Variants in MIPOL1 observed in about 807,000 individuals in gnomAD.
MIPOL1 encodes the protein mirror-image polydactyly gene 1 protein.
A neutral mutation model predicts 60.9 loss-of-function variants in MIPOL1; 57 were observed. The ratio of observed to expected loss-of-function variants is 0.94; its 90% CI spans 0.76 to 1.17. MIPOL1 has a LOEUF of 1.17. Ranked by LOEUF, MIPOL1 falls within the 50% of genes most tolerant of loss-of-function variation. MIPOL1 has a pLI of 0.00. For synonymous variants in MIPOL1, 179 were observed against 168.8 expected (o/e 1.06, Z -0.47); for missense variants, 551 against 511.6 (o/e 1.08, Z -0.74).
chr14:37,521,578 C>CT (rs1566766314), intron 12 of MIPOL1, among the ~76,000 whole-genome samples: 1 of 151,976 alleles, frequency 6.6e-6, no homozygotes, highest in East Asian at 1.9e-4. Flanking sequence ...GGAAATTAAA[C>CT]AAGTTACAAC....
At chr14:37,397,131 G>A (rs2093386514) in intron 10 of MIPOL1, 1 of 152,172 alleles carries the variant, frequency 6.6e-6, no homozygotes. Flanking sequence ...GTCTAGGGCT[G>A]AAGACTGTTG....
At chr14:37,229,002 A>C (rs952177789) in intron 1 of MIPOL1, among the ~76,000 whole-genome samples, 1 of 151,988 alleles carries the variant, frequency 6.6e-6, no homozygotes. Context: ...TGAAAATGGT[A>C]AAGTTTCTAA....
At chr14:37,495,846 T>A (rs922648064) in intron 11 of MIPOL1, among the ~76,000 whole-genome samples, 2 of 151,572 alleles carry the variant, frequency 1.3e-5, no homozygotes, top group Non-Finnish European at 2.9e-5. Context: ...GGTATCTCAT[T>A]GTGGTTTTGA....
At chr14:37,480,747 G>A (rs1237731878) in intron 11 of MIPOL1, among the ~76,000 whole-genome samples, 4 of 151,962 alleles carry the variant, frequency 2.6e-5, no homozygotes, top group African/African-American at 9.7e-5. Context: ...CATTCAAATA[G>A]GAAAGAAAGA....
chr14:37,272,384 T>A (rs1211396661), intron 6 of MIPOL1, among the ~76,000 whole-genome samples: 1 of 151,682 alleles, frequency 6.6e-6, no homozygotes, highest in Admixed American at 6.6e-5. Context: ...GAAAGAATTA[T>A]TGTTATTATG....
chr14:37,447,247 A>G (rs1226953117), intron 11 of MIPOL1, among the ~76,000 whole-genome samples: 1 of 152,028 alleles, frequency 6.6e-6, no homozygotes, highest in African/African-American at 2.4e-5. Context: ...CATTAACCCT[A>G]ACCTCACATC....
At chr14:37,526,509 A>G (rs1239852818) in intron 12 of MIPOL1, among the ~76,000 whole-genome samples, 2 of 150,022 alleles carry the variant, frequency 1.3e-5, no homozygotes, top group African/African-American at 4.9e-5. Context: ...AGCTGGGACT[A>G]CAGGCGCCCG....
chr14:37,329,734 A>G (rs1484678516), intron 9 of MIPOL1, among the ~76,000 whole-genome samples: 1 of 152,188 alleles, frequency 6.6e-6, no homozygotes, highest in African/African-American at 2.4e-5. Flanking sequence ...GCTATCATCC[A>G]GTAAACACTA....
chr14:37,337,874 T>G (rs1298459650), intron 9 of MIPOL1, among the ~76,000 whole-genome samples: 1 of 152,004 alleles, frequency 6.6e-6, no homozygotes, highest in Non-Finnish European at 1.5e-5. Context: ...AGCACAGAAG[T>G]TTTTTATTTT....
In MIPOL1 at chr14:37,548,067, C is replaced by T. The variant is rs961312320; in HGVS notation, c.*1096C>T. On this transcript the variant is annotated 3_prime_UTR_variant, in exon 13 of 13. Transcript: ENST00000684589. ...CTTTCATATTTTTAGATTAGACAGACGAAAGACCAAGAGGAAATGACTGTG... is the reference window on the plus strand; with the variant it reads ...CTTTCATATTTTTAGATTAGACAGATGAAAGACCAAGAGGAAATGACTGTG... 4 of 151,810 alleles carry T rather than the reference C, an allele frequency of 2.6e-5. No homozygotes were observed. Among genetic ancestry groups the T allele is most frequent in the South Asian group, 2.1e-4 (1 of 4,802 alleles). The allele number at this position is 151,810 out of a possible 1,614,324, so 9.4% of individuals were successfully genotyped here. A position where few individuals can be genotyped will look rare whatever the true frequency, so the allele number is the denominator to read the frequency against.
intron 7 of MIPOL1, among the ~76,000 whole-genome samples, chr14:37,306,649 G>A (rs941404183): frequency 4.0e-5 from 6 of 151,672 alleles, no homozygotes; most frequent in African/African-American, 1.4e-4. Flanking sequence ...ATTACTGCTG[G>A]TTAAATGCCA....
At chr14:37,488,882 A>G (rs1478917599) in intron 11 of MIPOL1, among the ~76,000 whole-genome samples, 1 of 151,666 alleles carries the variant, frequency 6.6e-6, no homozygotes, top group African/African-American at 2.4e-5. Flanking sequence ...TTTTTCCTTC[A>G]TTTCAACCCT....
At chr14:37,415,846 A>G (rs2093759259) in intron 10 of MIPOL1, among the ~76,000 whole-genome samples, 1 of 152,172 alleles carries the variant, frequency 6.6e-6, no homozygotes, top group Non-Finnish European at 1.5e-5. Flanking sequence ...CTTGTGAGAA[A>G]TGATAATATG....
intron 1 of MIPOL1, among the ~76,000 whole-genome samples, chr14:37,218,098 T>C (rs779902557): frequency 6.6e-6 from 1 of 152,170 alleles, no homozygotes; most frequent in Non-Finnish European, 1.5e-5. Flanking sequence ...TATCTTTCTG[T>C]TACTGATTTC....
rs905167681 is a variant in MIPOL1 at position 37,252,688 on chromosome 14, C to T, written c.19+4781C>T. ...TATCTTTCTCTCTGTTCACAAAGTA[C>T]ATATTCTGTTTTACCTTTTGTCTGT... On this transcript the variant is annotated intron_variant, in intron 3 of 12. Transcript: ENST00000684589. Among the ~76,000 whole-genome samples the T allele has an allele frequency of 3.3e-5, 5 of 152,014 alleles. No individual in the cohort carries two copies. The South Asian group carries it at 1.0e-3, about 32-fold the overall frequency.
intron 10 of MIPOL1, among the ~76,000 whole-genome samples, chr14:37,403,664 G>A (rs528747770): frequency 6.6e-6 from 1 of 151,740 alleles, no homozygotes; most frequent in Non-Finnish European, 1.5e-5. Context: ...TCTGTTCATC[G>A]TTTTTTATTA....
In MIPOL1 at chr14:37,283,030, C is replaced by T. The variant is rs2153407494; in HGVS notation, c.494-2288C>T. ...AAACGGGACTACTGTATCAATTCCT[C>T]ATGCTGTTTTTTTGTTTTTGATGTT... On this transcript the variant is annotated intron_variant, in intron 6 of 12. Coordinates refer to ENST00000684589, the MANE Select transcript of MIPOL1 (RefSeq NM_001388067.1). Among the ~76,000 whole-genome samples the T allele has an allele frequency of 2.0e-5, 3 of 151,308 alleles. No homozygotes were observed. The South Asian group carries it at 6.3e-4, about 32-fold the overall frequency.
intron 1 of MIPOL1, among the ~76,000 whole-genome samples, chr14:37,218,917 C>A (rs867839175): frequency 1.1e-4 from 15 of 132,392 alleles, no homozygotes; most frequent in Middle Eastern, 3.8e-3. Flanking sequence ...AGAGTGAGAC[C>A]CTATTTCAAA....
At chr14:37,441,649 T>G (rs2094246882) in intron 11 of MIPOL1, among the ~76,000 whole-genome samples, 1 of 152,182 alleles carries the variant, frequency 6.6e-6, no homozygotes, top group African/African-American at 2.4e-5. Flanking sequence ...CGTAGTATAA[T>G]TTGAAGTCAA....
Sources: allele counts gnomAD v4.1 joint callset (sites outside exome capture counted in the v4.1 genomes callset), GRCh38; gene constraint gnomAD v4.1.1; transcripts MANE v1.5; gene names NCBI Gene and HGNC (gene_info 2026-07-23, HGNC 2026-07-21).